The following SGIP1 variants were observed in gnomAD, a reference collection of about 807,000 sequenced individuals.
The protein encoded by SGIP1 is SH3-containing GRB2-like protein 3-interacting protein 1.
SGIP1 carries 38 observed loss-of-function variants against 107.5 expected under a neutral mutation model. The observed-to-expected ratio is 0.35, with a 90% CI of 0.27 to 0.46. The LOEUF is 0.46. Ranked by LOEUF, SGIP1 falls within the 20% of genes least tolerant of loss-of-function variation. The pLI is 1.00. For synonymous variants in SGIP1, 365 were observed against 366.1 expected (o/e 1.00, Z 0.03); for missense variants, 929 against 1,019.5 (o/e 0.91, Z 1.21).
intron 1 of SGIP1, among the ~76,000 whole-genome samples, chr1:66,609,846 C>G (rs72918443): frequency 0.035 from 5,350 of 152,242 alleles, 333 homozygotes; most frequent in African/African-American, 0.12. Context: ...GAGAGCACCA[C>G]ACAATTAACT....
chr1:66,668,837 A>G (rs1030960742), intron 9 of SGIP1, among the ~76,000 whole-genome samples: 5 of 152,260 alleles, frequency 3.3e-5, no homozygotes, highest in African/African-American at 1.2e-4. Context: ...TTTATTCACA[A>G]CATACATATA....
intron 1 of SGIP1, among the ~76,000 whole-genome samples, chr1:66,617,259 TA>T (rs1255711157): frequency 6.6e-6 from 1 of 152,204 alleles, no homozygotes; most frequent in Non-Finnish European, 1.5e-5. Flanking sequence ...CACTTGCCTT[TA>T]TGAAGCATCT....
intron 14 of SGIP1, among the ~76,000 whole-genome samples, chr1:66,681,095 A>C (rs1423012803): frequency 2.0e-5 from 3 of 152,244 alleles, no homozygotes; most frequent in Non-Finnish European, 4.4e-5. Context: ...CTTAATGAGA[A>C]AAGAAATTAT....
intron 1 of SGIP1, among the ~76,000 whole-genome samples, chr1:66,584,471 A>C (rs910299220): frequency 5.9e-5 from 9 of 152,178 alleles, no homozygotes; most frequent in Non-Finnish European, 1.3e-4. Context: ...ACCCATGTTA[A>C]AATTTCTCTA....
intron 1 of SGIP1, among the ~76,000 whole-genome samples, chr1:66,572,362 C>T (rs1287104919): frequency 6.6e-6 from 1 of 152,006 alleles, no homozygotes; most frequent in Non-Finnish European, 1.5e-5. Flanking sequence ...TGATTTTTAG[C>T]ATAGCTGGGA....
In SGIP1 at chr1:66,682,141, C is replaced by A. The variant is rs1313733423; in HGVS notation, c.1087C>A (p.Pro363Thr). The A allele has an allele frequency of 6.2e-7, 1 of 1,614,132 alleles. No homozygotes were observed. The highest frequency in any genetic ancestry group is 1.3e-5 in the African/African-American group (1 of 74,962). Residue 363 changes from proline (P) to threonine (T), a missense_variant, in exon 15 of 25, where the codon CCT (proline) becomes ACT (threonine). Physicochemically the swap from Pro to Thr is conservative, Grantham distance 38. Transcript: ENST00000371037. ...GPPGPTGPPG[P>T]PGPPRNVLSP... ...CCCAGGTCCCACAGGCCCCCCAGGG[C>A]CTCCTGGGCCTCCTCGCAATGTACT...
intron 1 of SGIP1, among the ~76,000 whole-genome samples, chr1:66,586,512 A>G (rs1452916821): frequency 6.6e-6 from 1 of 152,162 alleles, no homozygotes; most frequent in Admixed American, 6.5e-5. Context: ...TCTAGATATT[A>G]CATCATATTT....
chr1:66,664,142 T>TA (rs1196379951), intron 8 of SGIP1, among the ~76,000 whole-genome samples: 2 of 152,158 alleles, frequency 1.3e-5, no homozygotes, highest in Non-Finnish European at 2.9e-5. Context: ...TAAAGAATAA[T>TA]AAAGTCTAAA....
chr1:66,683,101 T>C (rs1251147673), intron 15 of SGIP1, among the ~76,000 whole-genome samples: 1 of 152,182 alleles, frequency 6.6e-6, no homozygotes, highest in East Asian at 1.9e-4. Context: ...TGAATTTTCT[T>C]TTGCTTATTT....
intron 1 of SGIP1, among the ~76,000 whole-genome samples, chr1:66,567,834 G>T (rs1353928667): frequency 6.6e-6 from 1 of 152,068 alleles, no homozygotes; most frequent in Non-Finnish European, 1.5e-5. Context: ...TGTTATTTCT[G>T]CGGTCTCTGT....
chr1:66,724,760 G>A (rs1306376542), intron 19 of SGIP1, among the ~76,000 whole-genome samples: 1 of 152,144 alleles, frequency 6.6e-6, no homozygotes, highest in Non-Finnish European at 1.5e-5. Context: ...TTTCAAAACA[G>A]AAACTTTATC....
At chr1:66,577,536 G>A (rs562199390) in intron 1 of SGIP1, among the ~76,000 whole-genome samples, 1 of 152,194 alleles carries the variant, frequency 6.6e-6, no homozygotes, top group East Asian at 1.9e-4. Flanking sequence ...AGGACAAAGA[G>A]GAAAGAGGTT....
chr1:66,632,533 G>A (rs539382536), intron 2 of SGIP1, among the ~76,000 whole-genome samples: 22 of 152,290 alleles, frequency 1.4e-4, no homozygotes, highest in African/African-American at 4.3e-4. Flanking sequence ...CCAGCTTCTC[G>A]GGAGGCTGGA....
At chr1:66,664,796 C>G (rs2082193893) in intron 8 of SGIP1, among the ~76,000 whole-genome samples, 1 of 151,630 alleles carries the variant, frequency 6.6e-6, no homozygotes, top group Non-Finnish European at 1.5e-5. Context: ...GAAAGGGAAA[C>G]TGACCAACAG....
chr1:66,670,167 TG>T (rs2083449108), intron 9 of SGIP1, among the ~76,000 whole-genome samples: 1 of 152,152 alleles, frequency 6.6e-6, no homozygotes, highest in Non-Finnish European at 1.5e-5. Flanking sequence ...ACCATCCTGG[TG>T]GTCTAGTTTT....
chr1:66,640,725 C>T (rs899608869), intron 5 of SGIP1, among the ~76,000 whole-genome samples: 2 of 147,130 alleles, frequency 1.4e-5, no homozygotes, highest in African/African-American at 5.0e-5. Context: ...CTAAATGCAG[C>T]GAGAAGCCAG....
At chr1:66,647,743 G>T (rs1435172645) in intron 7 of SGIP1, among the ~76,000 whole-genome samples, 2 of 152,158 alleles carry the variant, frequency 1.3e-5, no homozygotes, top group Non-Finnish European at 2.9e-5. Flanking sequence ...AGGTTGAACA[G>T]AGACACTCCA....
intron 9 of SGIP1, among the ~76,000 whole-genome samples, chr1:66,668,980 C>A (rs1308286554): frequency 6.6e-6 from 1 of 152,206 alleles, no homozygotes; most frequent in Non-Finnish European, 1.5e-5. Flanking sequence ...ATATGTCATG[C>A]TGCAACATTA....
intron 22 of SGIP1, 92 bp from the exon 23 acceptor site, chr1:66,740,566 T>TA (rs2094417400): frequency 1.3e-6 from 1 of 777,650 alleles, no homozygotes; most frequent in African/African-American, 1.8e-5. Flanking sequence ...AGCTCTATTT[T>TA]AAAAAATTAA....
Sources: gnomAD v4.1 joint callset for allele counts (sites outside exome capture counted in the v4.1 genomes callset) on GRCh38, gnomAD v4.1.1 for gene constraint, MANE v1.5 for transcripts, NCBI Gene and HGNC (gene_info 2026-07-23, HGNC 2026-07-21) for gene names.